PPM1E: variants seen among roughly 807,000 people sequenced by gnomAD.
The protein encoded by PPM1E is protein phosphatase 1E.
Under a neutral mutation model 65.9 loss-of-function variants are expected in PPM1E, and 20 were observed. The ratio of observed to expected loss-of-function variants is 0.30; its 90% CI spans 0.21 to 0.44. The LOEUF (loss-of-function observed/expected upper bound fraction) is 0.44. Ranked by LOEUF, PPM1E falls within the 20% of genes least tolerant of loss-of-function variation. The pLI is 1.00. For synonymous variants in PPM1E, 352 were observed against 374.9 expected (o/e 0.94, Z 0.70); for missense variants, 713 against 953.1 (o/e 0.75, Z 3.32).
At chr17:58,977,264 G>A (rs974030626) in intron 6 of PPM1E, among the ~76,000 whole-genome samples, 10 of 152,038 alleles carry the variant, frequency 6.6e-5, no homozygotes, top group African/African-American at 2.2e-4. Flanking sequence ...CCAACATGGT[G>A]AAACCCTGTC....
At chr17:58,771,692 TA>T (rs59899938) in intron 1 of PPM1E, among the ~76,000 whole-genome samples, 96,417 of 151,146 alleles carry the variant, frequency 0.64, 31,068 homozygotes, top group African/African-American at 0.72. Flanking sequence ...CAGTATTCTT[TA>T]AAAAAAAAAT....
At chr17:58,921,102 T>C (rs1249302049) in intron 1 of PPM1E, among the ~76,000 whole-genome samples, 2 of 152,190 alleles carry the variant, frequency 1.3e-5, no homozygotes, top group Non-Finnish European at 2.9e-5. Flanking sequence ...CCATTGTGAC[T>C]TTAATAAGAG....
intron 1 of PPM1E, among the ~76,000 whole-genome samples, chr17:58,804,263 A>G (rs1257822565): frequency 6.6e-6 from 1 of 152,174 alleles, no homozygotes; most frequent in African/African-American, 2.4e-5. Context: ...TGCTTTTTCT[A>G]TTTAAAATTT....
At chr17:58,913,076 CCTGAGTT>C (rs1358934118) in intron 1 of PPM1E, among the ~76,000 whole-genome samples, 18 of 152,140 alleles carry the variant, frequency 1.2e-4, no homozygotes, top group African/African-American at 4.3e-4. Context: ...TAAAGTTTTG[CCTGAGTT>C]CTGTAAGCTA....
intron 1 of PPM1E, among the ~76,000 whole-genome samples, chr17:58,819,408 C>T (rs142718359): frequency 2.0e-5 from 3 of 152,348 alleles, no homozygotes; most frequent in East Asian, 1.9e-4. Context: ...TTCAGCCTCT[C>T]ATAATGCTGG....
chr17:58,923,342 G>A (rs988714117), intron 1 of PPM1E, among the ~76,000 whole-genome samples: 13 of 150,412 alleles, frequency 8.6e-5, no homozygotes, highest in African/African-American at 3.2e-4. Flanking sequence ...TAAATGATGT[G>A]GTGGCACCAC....
chr17:58,801,544 T>G (rs1332467842), intron 1 of PPM1E, among the ~76,000 whole-genome samples: 2 of 142,910 alleles, frequency 1.4e-5, no homozygotes, highest in African/African-American at 5.3e-5. Context: ...CTGGTTCAAG[T>G]GATTCTCTTG....
At chr17:58,800,814 C>G (rs777515973) in intron 1 of PPM1E, among the ~76,000 whole-genome samples, 3 of 152,010 alleles carry the variant, frequency 2.0e-5, no homozygotes, top group Non-Finnish European at 2.9e-5. Context: ...TTTTCTTGAC[C>G]TGTCTAGCTA....
At chr17:58,894,653 A>G (rs926884932) in intron 1 of PPM1E, among the ~76,000 whole-genome samples, 5 of 152,152 alleles carry the variant, frequency 3.3e-5, no homozygotes, top group African/African-American at 1.2e-4. Context: ...GATCTTTCCC[A>G]TGTATATTTT....
At chr17:58,963,035 GT>G (rs1383319101) in intron 2 of PPM1E, among the ~76,000 whole-genome samples, 1 of 151,890 alleles carries the variant, frequency 6.6e-6, no homozygotes, top group African/African-American at 2.4e-5. Flanking sequence ...GCTGCAGTGA[GT>G]TGTGATTACA....
chr17:58,966,001 GTAGAT>G (rs1346333965), intron 3 of PPM1E, 108 bp downstream of exon 3: 3 of 1,165,698 alleles, frequency 2.6e-6, no homozygotes, highest in African/African-American at 1.5e-5. Flanking sequence ...TGTATCTCTG[GTAGAT>G]TAGAGTAGGG....
intron 1 of PPM1E, among the ~76,000 whole-genome samples, chr17:58,948,769 C>T (rs1228388714): frequency 6.6e-6 from 1 of 152,054 alleles, no homozygotes; most frequent in Non-Finnish European, 1.5e-5. Context: ...TCTTTCTTCA[C>T]CCATTGGTTG....
rs183613590 is a variant in PPM1E, at chr17:58,898,350, A to G, written c.465-57299A>G. On this transcript the variant is annotated intron_variant, in intron 1 of 6. Transcript: ENST00000308249. ...AACCCCGTCAAAAAGTAGGCAAAGT[A>G]TGTGAACAGACAGTTTTCAAAAGAA... is the stretch of plus-strand genomic sequence containing the variant. 6.6e-5 allele frequency among the ~76,000 whole-genome samples: 10 copies of G among 152,338 alleles called. No homozygotes were observed. The East Asian group carries it at 1.5e-3, about 23-fold the overall frequency.
At chr17:58,923,810 A>C (rs765295845) in intron 1 of PPM1E, among the ~76,000 whole-genome samples, 101 of 149,386 alleles carry the variant, frequency 6.8e-4, no homozygotes, top group Non-Finnish European at 1.0e-3. Flanking sequence ...GCTACTCAGG[A>C]GGCTGAGGAG....
chr17:58,968,331 G>C (rs947965939), intron 3 of PPM1E, among the ~76,000 whole-genome samples: 2 of 152,056 alleles, frequency 1.3e-5, no homozygotes, highest in Non-Finnish European at 2.9e-5. Flanking sequence ...AGGCTGAGGC[G>C]GGATGATCCT....
chr17:58,823,739 TTTA>T (rs1317125245), intron 1 of PPM1E, among the ~76,000 whole-genome samples: 1 of 152,042 alleles, frequency 6.6e-6, no homozygotes, highest in Non-Finnish European at 1.5e-5. Context: ...TATTTATTTA[TTTA>T]TTTTTTGAGA....
chr17:58,858,430 A>C (rs1271926341), intron 1 of PPM1E, among the ~76,000 whole-genome samples: 2 of 152,036 alleles, frequency 1.3e-5, no homozygotes, highest in Non-Finnish European at 2.9e-5. Flanking sequence ...GTAATTTAGT[A>C]TCCTTTAACA....
chr17:58,797,459 A>G (rs1401170941), intron 1 of PPM1E, among the ~76,000 whole-genome samples: 3 of 152,230 alleles, frequency 2.0e-5, no homozygotes, highest in Non-Finnish European at 4.4e-5. Context: ...CCATGTAAAC[A>G]GAAGCATATA....
chr17:58,978,390 TG>T (rs761295017), intron 6 of PPM1E, among the ~76,000 whole-genome samples: 92 of 152,280 alleles, frequency 6.0e-4, no homozygotes, highest in African/African-American at 2.1e-3. Flanking sequence ...ACCCTGTGTG[TG>T]GTTTTGTTTT....
Sources: gnomAD v4.1 joint callset for allele counts (sites outside exome capture counted in the v4.1 genomes callset) on GRCh38, gnomAD v4.1.1 for gene constraint, MANE v1.5 for transcripts, NCBI Gene and HGNC (gene_info 2026-07-23, HGNC 2026-07-21) for gene names.